DLGAP2: variants seen among roughly 807,000 people sequenced by gnomAD.
DLGAP2 encodes the protein disks large-associated protein 2.
DLGAP2 carries 26 observed loss-of-function variants against 100.3 expected under a neutral mutation model. That is an observed-to-expected ratio of 0.26 (90% CI 0.19 to 0.36). The LOEUF (loss-of-function observed/expected upper bound fraction) is 0.36, where lower values mean the gene tolerates loss of function less well. Ranked by LOEUF, DLGAP2 falls within the 10% of genes least tolerant of loss-of-function variation. The probability of loss-of-function intolerance (pLI) is 1.00; values close to 1 mark genes in which losing one functional copy is unlikely to be tolerated. For missense variants in DLGAP2, 1,858 were observed against 1,453.2 expected, an observed-to-expected ratio of 1.28 and a Z score of -4.53; for synonymous variants, 886 against 630.1, an observed-to-expected ratio of 1.41 and a Z score of -6.08.
intron 2 of DLGAP2, among the ~76,000 whole-genome samples, chr8:948,765 G>A (rs910571816): frequency 7.2e-5 from 11 of 152,264 alleles, no homozygotes; most frequent in Non-Finnish European, 1.5e-4. Flanking sequence ...GGCTCAGGCC[G>A]TGGGGAGCCA....
chr8:1,656,811 G>C (rs900762361), intron 8 of DLGAP2, among the ~76,000 whole-genome samples: 1 of 152,036 alleles, frequency 6.6e-6, no homozygotes, highest in African/African-American at 2.4e-5. Flanking sequence ...CATTCCATTG[G>C]CCTCAGAGTA....
intron 4 of DLGAP2, among the ~76,000 whole-genome samples, chr8:1,525,967 A>AT (rs1207483197): frequency 6.6e-6 from 1 of 151,968 alleles, no homozygotes; most frequent in Non-Finnish European, 1.5e-5. Flanking sequence ...CAGATTTGGA[A>AT]TTTTTTTGGA....
At chr8:860,515 G>T (rs1797368641) in intron 1 of DLGAP2, among the ~76,000 whole-genome samples, 1 of 152,228 alleles carries the variant, frequency 6.6e-6, no homozygotes, top group Non-Finnish European at 1.5e-5. Flanking sequence ...AGAATGGGAA[G>T]GGTGGACGCC....
At chr8:1,664,193 A>C (rs1798485584) in intron 8 of DLGAP2, among the ~76,000 whole-genome samples, 1 of 152,108 alleles carries the variant, frequency 6.6e-6, no homozygotes, top group Admixed American at 6.5e-5. Flanking sequence ...GTGCATCTAC[A>C]GGACAGGCCG....
intron 8 of DLGAP2, among the ~76,000 whole-genome samples, chr8:1,637,475 A>G (rs1034462804): frequency 7.2e-5 from 11 of 152,030 alleles, no homozygotes; most frequent in African/African-American, 2.7e-4. Context: ...ACAGCTATGC[A>G]CTGCGAGGAC....
intron 1 of DLGAP2, among the ~76,000 whole-genome samples, chr8:747,242 A>T (rs1329535438): frequency 6.6e-6 from 1 of 152,206 alleles, no homozygotes. Context: ...TCTGAGTCTT[A>T]CGGGACTTCT....
At chr8:916,096 G>A (rs1033872022) in intron 2 of DLGAP2, among the ~76,000 whole-genome samples, 10 of 151,798 alleles carry the variant, frequency 6.6e-5, no homozygotes, top group Non-Finnish European at 2.9e-5. Flanking sequence ...CTGTCCCAGG[G>A]CGTGGTTTCC....
intron 8 of DLGAP2, among the ~76,000 whole-genome samples, chr8:1,646,331 G>T (rs776427076): frequency 4.6e-5 from 7 of 152,088 alleles, no homozygotes; most frequent in African/African-American, 1.7e-4. Context: ...CCTCATTGAC[G>T]ACAGGAGCCA....
At chr8:1,261,559 G>C (rs10866920) in intron 3 of DLGAP2, among the ~76,000 whole-genome samples, 68 of 144,702 alleles carry the variant, frequency 4.7e-4, no homozygotes, top group Non-Finnish European at 8.0e-4. Flanking sequence ...GAGGGTGGGG[G>C]TGGGAGGGGG....
At chr8:1,269,858 C>T (rs1799543709) in intron 3 of DLGAP2, among the ~76,000 whole-genome samples, 1 of 152,020 alleles carries the variant, frequency 6.6e-6, no homozygotes, top group East Asian at 1.9e-4. Context: ...AGCCCTGGAA[C>T]CAAAAAGGGA....
chr8:930,314 G>A (rs748298988), intron 2 of DLGAP2, among the ~76,000 whole-genome samples: 2 of 152,334 alleles, frequency 1.3e-5, no homozygotes, highest in East Asian at 1.9e-4. Flanking sequence ...GGCCACCAGC[G>A]TTTAAAGACA....
At chr8:1,323,371 C>G (rs999856755) in intron 3 of DLGAP2, among the ~76,000 whole-genome samples, 2 of 152,152 alleles carry the variant, frequency 1.3e-5, no homozygotes, top group Non-Finnish European at 2.9e-5. Context: ...AACCACGATG[C>G]ACATCCTCCG....
chr8:1,513,811 C>T (rs1252117713), intron 4 of DLGAP2, among the ~76,000 whole-genome samples: 1 of 152,206 alleles, frequency 6.6e-6, no homozygotes, highest in African/African-American at 2.4e-5. Context: ...TGGTCACGTT[C>T]GTACAGTCCA....
At chr8:922,118 C>T (rs1052798642) in intron 2 of DLGAP2, among the ~76,000 whole-genome samples, 8 of 152,286 alleles carry the variant, frequency 5.3e-5, no homozygotes, top group South Asian at 2.1e-4. Flanking sequence ...CAGCAAATGA[C>T]GATCTGTCCT....
At chr8:1,590,482 G>T (rs1359997441) in intron 6 of DLGAP2, among the ~76,000 whole-genome samples, 2 of 152,176 alleles carry the variant, frequency 1.3e-5, no homozygotes, top group African/African-American at 4.8e-5. Context: ...TGGTGATTTT[G>T]CTGCTGACTA....
At chr8:1,510,343 GT>G (rs1365937057) in intron 4 of DLGAP2, among the ~76,000 whole-genome samples, 3 of 152,148 alleles carry the variant, frequency 2.0e-5, no homozygotes, top group African/African-American at 4.8e-5. Context: ...TGCCAGCCTC[GT>G]TGCCCCAGAT....
chr8:1,280,053 C>T (rs1799785846), intron 3 of DLGAP2, among the ~76,000 whole-genome samples: 2 of 152,206 alleles, frequency 1.3e-5, no homozygotes, highest in Non-Finnish European at 2.9e-5. Context: ...CTGACATGCA[C>T]TCACGTAAGG....
At chr8:1,059,308 C>T (rs567407155) in intron 2 of DLGAP2, among the ~76,000 whole-genome samples, 93 of 150,366 alleles carry the variant, frequency 6.2e-4, no homozygotes, top group Admixed American at 8.6e-4. Context: ...CCTGCATCCC[C>T]TGGGTATGGA....
intron 6 of DLGAP2, among the ~76,000 whole-genome samples, chr8:1,601,148 G>T (rs1165219383): frequency 6.6e-6 from 1 of 152,178 alleles, no homozygotes; most frequent in East Asian, 1.9e-4. Context: ...AGGTCTGCTG[G>T]AGTTTGCTAG....
Sources: gnomAD v4.1 joint callset for allele counts (sites outside exome capture counted in the v4.1 genomes callset) on GRCh38, gnomAD v4.1.1 for gene constraint, MANE v1.5 for transcripts, NCBI Gene and HGNC (gene_info 2026-07-23, HGNC 2026-07-21) for gene names.